TIMD4: variants seen among roughly 807,000 people sequenced by gnomAD.
The protein encoded by TIMD4 is T-cell immunoglobulin and mucin domain-containing protein 4.
Under a neutral mutation model 41.2 loss-of-function variants are expected in TIMD4, and 31 were observed. The observed-to-expected ratio is 0.75, with a 90% CI of 0.57 to 1.01. The LOEUF (loss-of-function observed/expected upper bound fraction) is 1.01. Among genes scored for constraint, TIMD4 ranks in the 50% least tolerant of loss-of-function variants. The pLI, the probability that TIMD4 is intolerant of heterozygous loss-of-function variation, is 0.00. For missense variants in TIMD4, 479 were observed against 472.5 expected (o/e 1.01, Z -0.13); for synonymous variants, 204 against 177.1 (o/e 1.15, Z -1.21).
chr5:156,936,324 TAAC>T (rs1759538854), intron 5 of TIMD4, among the ~76,000 whole-genome samples: 1 of 152,132 alleles, frequency 6.6e-6, no homozygotes, highest in African/African-American at 2.4e-5. Context: ...GAATTATTGA[TAAC>T]AACAACAATA....
intron 5 of TIMD4, among the ~76,000 whole-genome samples, chr5:156,946,820 C>T (rs1759753016): frequency 6.6e-6 from 1 of 151,858 alleles, no homozygotes; most frequent in African/African-American, 2.4e-5. Context: ...TACATTGTCT[C>T]CTTCACAGAA....
chr5:156,930,160 C>T (rs1044560726), intron 5 of TIMD4, among the ~76,000 whole-genome samples: 1 of 152,002 alleles, frequency 6.6e-6, no homozygotes, highest in Non-Finnish European at 1.5e-5. Context: ...CAGGGTCTTG[C>T]TATGTTGCCC....
intron 6 of TIMD4, among the ~76,000 whole-genome samples, chr5:156,922,581 A>G (rs1759264040): frequency 6.6e-6 from 1 of 152,272 alleles, no homozygotes; most frequent in South Asian, 2.1e-4. Context: ...AGGATGAAAG[A>G]GAAAATGAAA....
chr5:156,963,047 C>T (rs1753102407), intron 1 of TIMD4, 94 bp downstream of exon 1: 1 of 1,255,416 alleles, frequency 8.0e-7, no homozygotes, highest in South Asian at 1.2e-5. Context: ...AAGTGAGCTT[C>T]TGCTTCACTG....
intron 1 of TIMD4, among the ~76,000 whole-genome samples, chr5:156,961,040 AT>A (rs962390424): frequency 8.5e-5 from 13 of 152,218 alleles, no homozygotes; most frequent in African/African-American, 2.9e-4. Flanking sequence ...GATGAAACAC[AT>A]TTGTTTTCCT....
At chr5:156,921,868 T>G (rs1226603729) in intron 7 of TIMD4, among the ~76,000 whole-genome samples, 1 of 152,200 alleles carries the variant, frequency 6.6e-6, no homozygotes, top group Admixed American at 6.5e-5. Context: ...GGTGCTCTTC[T>G]GCTTTTTTTC....
chr5:156,960,405 C>CTTTTTT (rs1223450556), intron 1 of TIMD4, among the ~76,000 whole-genome samples: 1 of 135,264 alleles, frequency 7.4e-6, no homozygotes, highest in Non-Finnish European at 1.6e-5. Context: ...TTTCTTCCCC[C>CTTTTTT]TTTTTTTTTT....
rs142735902 is a variant in TIMD4, at chr5:156,946,786, C to G, written c.844+1630G>C. 3.2e-3 allele frequency among the ~76,000 whole-genome samples: 490 copies of G among 151,966 alleles called. 3 individuals carry two copies. The highest frequency in any genetic ancestry group is 5.3e-3 in the Non-Finnish European group (357 of 67,952). ...AGGCATGAGCCACCGCGCCTGGCCT[C>G]TTCTGAATTTTTGAGAGTGATGCTA... On this transcript the variant is annotated intron_variant, in intron 5 of 8. Transcript: ENST00000274532.
At chr5:156,953,697 T>C (rs892325344) in intron 2 of TIMD4, among the ~76,000 whole-genome samples, 32 of 145,626 alleles carry the variant, frequency 2.2e-4, no homozygotes, top group African/African-American at 7.4e-4. Context: ...AGAATATAGA[T>C]GTCTAGATTC....
chr5:156,936,420 C>T (rs1477393358), intron 5 of TIMD4, among the ~76,000 whole-genome samples: 1 of 152,194 alleles, frequency 6.6e-6, no homozygotes, highest in African/African-American at 2.4e-5. Context: ...AGTTAATTCT[C>T]AGAAAATGCT....
intron 2 of TIMD4, among the ~76,000 whole-genome samples, chr5:156,952,826 T>C (rs1262098350): frequency 6.6e-6 from 1 of 152,232 alleles, no homozygotes; most frequent in Admixed American, 6.5e-5. Flanking sequence ...CCAATAACTA[T>C]CACAGTGTCT....
At chr5:156,946,782 G>A (rs1759752334) in intron 5 of TIMD4, among the ~76,000 whole-genome samples, 1 of 151,838 alleles carries the variant, frequency 6.6e-6, no homozygotes, top group South Asian at 2.1e-4. Flanking sequence ...ACCGCGCCTG[G>A]CCTCTTCTGA....
Position 156,954,596 on chromosome 5 carries a change from T to C in TIMD4, c.219A>G (p.Gly73=). 1 of 1,614,256 alleles carries C rather than the reference T, an allele frequency of 6.2e-7. No individual in the cohort carries two copies. Among genetic ancestry groups the C allele is most frequent in the Middle Eastern group, 1.6e-4 (1 of 6,062 alleles). Residue 73 remains glycine (G), a synonymous_variant, in exon 2 of 9, where the codon GGA becomes GGG. Coordinates refer to ENST00000274532, the MANE Select transcript of TIMD4 (RefSeq NM_138379.3). ...GCKEALIRTD[G]MRVTSRKSAK... ...CTGACTTTCTTGAGGTCACCCTCAT[T>C]CCATCAGTGCGGATGAGCGCCTCCT...
intron 5 of TIMD4, among the ~76,000 whole-genome samples, chr5:156,937,176 G>A (rs1162991339): frequency 1.3e-5 from 2 of 152,108 alleles, no homozygotes; most frequent in African/African-American, 4.8e-5. Flanking sequence ...AAGCTCTGAG[G>A]GGTCCATATC....
chr5:156,952,287 C>T (rs1581631413), intron 2 of TIMD4, among the ~76,000 whole-genome samples: 1 of 145,100 alleles, frequency 6.9e-6, no homozygotes, highest in South Asian at 2.1e-4. Flanking sequence ...AAGACTCCAT[C>T]TCAAAAAAAA....
Position 156,951,706 on chromosome 5 carries a change from G to T in TIMD4, c.485C>A (p.Thr162Lys). The T allele has an allele frequency of 6.2e-7, 1 of 1,614,148 alleles. No individual in the cohort carries two copies. The highest frequency in any genetic ancestry group is 2.2e-5 in the East Asian group (1 of 44,888). The change falls in exon 3 of 9, where the codon ACA becomes AAA. Residue 162 changes from threonine (T) to lysine (K), a missense_variant. Coordinates refer to ENST00000274532, the MANE Select transcript of TIMD4 (RefSeq NM_138379.3). ...TGTTGTTGGAAGTGCAGCTGGGGTT[G>T]TTGTCATTTGTCGGGTGGTGGTGGG... ...TSPTTTRQMT[T>K]TPAALPTTVV... is the part of the protein sequence containing the mutation.
intron 1 of TIMD4, among the ~76,000 whole-genome samples, chr5:156,961,380 G>T (rs1753038655): frequency 6.6e-6 from 1 of 152,078 alleles, no homozygotes. Flanking sequence ...CCACTACTGG[G>T]GATATATCCC....
At chr5:156,940,529 G>A (rs1433051403) in intron 5 of TIMD4, among the ~76,000 whole-genome samples, 4 of 151,200 alleles carry the variant, frequency 2.6e-5, no homozygotes, top group African/African-American at 7.3e-5. Flanking sequence ...CTGCCTGGCC[G>A]CCCATCATCT....
rs1256895830 is a variant in TIMD4, at chr5:156,921,161, T to C, written c.1013-658A>G. ...GGGGTGGGATGGAGGTGCAAGGTCA[T>C]GGAGCAGCTTGCTAACTTAATGAAA... On this transcript the variant is annotated intron_variant, in intron 7 of 8. Transcript: ENST00000274532. Among the ~76,000 whole-genome samples the C allele has an allele frequency of 3.3e-5, 5 of 152,220 alleles. No homozygotes were observed. In the Middle Eastern group the frequency reaches 0.01, roughly 311 times the overall value.
Sources: gnomAD v4.1 joint callset for allele counts (sites outside exome capture counted in the v4.1 genomes callset) on GRCh38, gnomAD v4.1.1 for gene constraint, MANE v1.5 for transcripts, NCBI Gene and HGNC (gene_info 2026-07-23, HGNC 2026-07-21) for gene names.